Variants in PIN1 observed in about 807,000 individuals in gnomAD.
The protein encoded by PIN1 is peptidylprolyl cis/trans isomerase, NIMA-interacting 1, also known as peptidyl-prolyl cis-trans isomerase NIMA-interacting 1.
A neutral mutation model predicts 19.9 loss-of-function variants in PIN1; 8 were observed. The observed-to-expected ratio is 0.40, with a 90% CI of 0.24 to 0.72. PIN1 has a LOEUF of 0.72. Ranked by LOEUF, PIN1 falls within the 30% of genes least tolerant of loss-of-function variation. PIN1 has a pLI of 0.37. For synonymous variants in PIN1, 86 were observed against 90.8 expected (o/e 0.95, Z 0.30); for missense variants, 185 against 226.5 (o/e 0.82, Z 1.18).
intron 2 of PIN1, among the ~76,000 whole-genome samples, chr19:9,840,278 A>G (rs1326322710): frequency 3.9e-5 from 6 of 152,074 alleles, no homozygotes; most frequent in Non-Finnish European, 5.9e-5. Flanking sequence ...AGTCCCAGCT[A>G]CTCGGGAGAT....
intron 1 of PIN1, 90 bp downstream of exon 1, chr19:9,835,492 C>G: frequency 2.2e-6 from 2 of 908,068 alleles, no homozygotes; most frequent in Non-Finnish European, 3.1e-6. Context: ...GCAGCGCTGC[C>G]TCCCTCCCAT....
chr19:9,839,171 C>T (rs1363535619), intron 2 of PIN1, among the ~76,000 whole-genome samples: 1 of 152,076 alleles, frequency 6.6e-6, no homozygotes, highest in Non-Finnish European at 1.5e-5. Flanking sequence ...CGGTGGCTCA[C>T]GCCTGTAATC....
chr19:9,841,116 T>C (rs2046161742), intron 2 of PIN1, among the ~76,000 whole-genome samples: 1 of 152,218 alleles, frequency 6.6e-6, no homozygotes, highest in Admixed American at 6.5e-5. Context: ...GCTGTTGTTT[T>C]ACTCTCTCAT....
In PIN1 at chr19:9,838,330, A is replaced by G; in HGVS notation, c.59-106A>G. 1 of 838,860 alleles carries G rather than the reference A, an allele frequency of 1.2e-6. No homozygotes were observed. Among genetic ancestry groups the G allele is most frequent in the East Asian group, 2.6e-5 (1 of 37,832 alleles). 52.0% of individuals were successfully genotyped at this position (838,860 alleles called of 1,614,324 possible). On this transcript the variant is annotated intron_variant, in intron 1 of 3. Coordinates refer to ENST00000247970, the MANE Select transcript of PIN1 (RefSeq NM_006221.4). This position sits in a 1 kb window ranked among gnomAD's most constrained non-coding sequence, Gnocchi z 5.8. Reference sequence around the variant, plus strand: ...GGATACACCATGGATTTGTTGAATGAAGGCGCCCCCTGCAAGCCAGGCCCT... The same window carrying G: ...GGATACACCATGGATTTGTTGAATGGAGGCGCCCCCTGCAAGCCAGGCCCT...
intron 2 of PIN1, among the ~76,000 whole-genome samples, chr19:9,840,374 G>A (rs913980769): frequency 1.3e-5 from 2 of 152,192 alleles, no homozygotes; most frequent in Middle Eastern, 3.4e-3. Context: ...GCAACAGAGC[G>A]AGACTCCGTC....
In PIN1 at chr19:9,849,181, C is replaced by T; in HGVS notation, c.474C>T (p.Ile158=). 6.2e-7 allele frequency: 1 copy of T among 1,611,546 alleles called. No homozygotes were observed. The highest frequency in any genetic ancestry group is 8.5e-7 in the Non-Finnish European group (1 of 1,178,454). The change falls in exon 4 of 4, where the codon ATC becomes ATT. Residue 158 remains isoleucine (I), a synonymous_variant. Coordinates refer to ENST00000247970, the MANE Select transcript of PIN1 (RefSeq NM_006221.4). The stretch of plus-strand genomic sequence containing the variant: ...TGTTCACGGATTCCGGCATCCACAT[C>T]ATCCTCCGCACTGAGTGAGGGTGGG... The part of the protein sequence containing the change: ...GPVFTDSGIH[I]ILRTE
Position 9,849,236 on chromosome 19 carries a change from G to A in PIN1, c.*37G>A. On this transcript the variant is annotated 3_prime_UTR_variant, in exon 4 of 4. Coordinates refer to ENST00000247970, the MANE Select transcript of PIN1 (RefSeq NM_006221.4). The stretch of plus-strand genomic sequence containing the variant: ...CCAGGCCTGGCCTCGGGGCAGGGCA[G>A]GGCGGCTAGGCCGGCCAGCTCCCCC... The A allele has an allele frequency of 6.9e-7, 1 of 1,448,962 alleles. No homozygotes were observed. Among genetic ancestry groups the A allele is most frequent in the Non-Finnish European group, 9.6e-7 (1 of 1,044,642 alleles). The allele number at this position is 1,448,962 out of a possible 1,614,324, so 89.8% of individuals were successfully genotyped here.
At chr19:9,839,663 C>T (rs2046144968) in intron 2 of PIN1, among the ~76,000 whole-genome samples, 1 of 152,154 alleles carries the variant, frequency 6.6e-6, no homozygotes, top group South Asian at 2.1e-4. Context: ...TGGCTGTGTG[C>T]CAAGAAAACT....
intron 3 of PIN1, chr19:9,848,394 T>A (rs1360668343): frequency 2.0e-6 from 1 of 510,630 alleles, no homozygotes; most frequent in Non-Finnish European, 3.6e-6. Flanking sequence ...TGTGTGTCTG[T>A]GCACAGATGT....
chr19:9,836,878 G>T lies in PIN1; in HGVS notation c.58+1476G>T, dbSNP rs1041823466. 3 of 1,283,686 alleles carry T rather than the reference G, an allele frequency of 2.3e-6. No individual in the cohort carries two copies. In the African/African-American group the frequency reaches 4.6e-5, roughly 20 times the overall value. The allele number at this position is 1,283,686 out of a possible 1,614,324, so 79.5% of individuals were successfully genotyped here. A position where few individuals can be genotyped will look rare whatever the true frequency, so the allele number is the denominator to read the frequency against. ...TGCCATTCCCAGAGATGCAAAAGGT[G>T]AGGTCTCCGTTTTGCCATCTATACA... On this transcript the variant is annotated intron_variant, in intron 1 of 3. Coordinates refer to ENST00000247970, the MANE Select transcript of PIN1 (RefSeq NM_006221.4).
At chr19:9,839,493 C>G (rs1442659216) in intron 2 of PIN1, among the ~76,000 whole-genome samples, 1 of 152,060 alleles carries the variant, frequency 6.6e-6, no homozygotes, top group Non-Finnish European at 1.5e-5. Context: ...AAGCTATTCC[C>G]TGCTCTGTTC....
chr19:9,845,712 T>G (rs2046214418), intron 2 of PIN1, among the ~76,000 whole-genome samples: 1 of 152,144 alleles, frequency 6.6e-6, no homozygotes, highest in Non-Finnish European at 1.5e-5. Flanking sequence ...TATGAGCTAT[T>G]GGTGTGCCAA....
intron 2 of PIN1, among the ~76,000 whole-genome samples, chr19:9,841,618 C>T (rs1307159276): frequency 2.0e-5 from 3 of 152,146 alleles, no homozygotes; most frequent in Non-Finnish European, 4.4e-5. Context: ...AGGAGAGGAA[C>T]CCACAGTGCT....
At chr19:9,840,529 T>A (rs1224743096) in intron 2 of PIN1, among the ~76,000 whole-genome samples, 1 of 152,260 alleles carries the variant, frequency 6.6e-6, no homozygotes, top group Non-Finnish European at 1.5e-5. Context: ...CAGCCTGGGT[T>A]GCTATGCAGC....
rs2145421484 is a variant in PIN1, at chr19:9,849,505, TCAG to T, written c.*310_*312del. The T allele has an allele frequency of 1.5e-6, 1 of 668,422 alleles. No homozygotes were observed. Among genetic ancestry groups the T allele is most frequent in the Non-Finnish European group, 2.8e-6 (1 of 355,778 alleles). 41.4% of individuals were successfully genotyped at this position (668,422 alleles called of 1,614,324 possible). A position where few individuals can be genotyped will look rare whatever the true frequency, so the allele number is the denominator to read the frequency against. On this transcript the variant is annotated 3_prime_UTR_variant, in exon 4 of 4. Transcript: ENST00000247970. ...GGGGTGTTCCAAAGAGAAGGCCTGG[TCAG>T]CAGAGCCGCCCCGTGTCCCCCCAGG... is the stretch of plus-strand genomic sequence containing the variant.
At chr19:9,842,644 C>G (rs2046179212) in intron 2 of PIN1, among the ~76,000 whole-genome samples, 1 of 152,234 alleles carries the variant, frequency 6.6e-6, no homozygotes, top group Admixed American at 6.5e-5. Flanking sequence ...CTCCTGGTAT[C>G]CTCCTGCCTG....
chr19:9,849,580 C>T lies in PIN1; in HGVS notation c.*381C>T, dbSNP rs1207994496. 3.6e-6 allele frequency: 2 copies of T among 555,970 alleles called. No individual in the cohort carries two copies. The highest frequency in any genetic ancestry group is 7.0e-6 in the Non-Finnish European group (2 of 284,600). The allele number at this position is 555,970 out of a possible 1,614,324, so 34.4% of individuals were successfully genotyped here. ...CCGAATTGTTTCTAGTTAGGCCACGCTCCTCTGTTCAGTCGCAAAGGTGAA... is the reference window on the plus strand; with the variant it reads ...CCGAATTGTTTCTAGTTAGGCCACGTTCCTCTGTTCAGTCGCAAAGGTGAA... On this transcript the variant is annotated 3_prime_UTR_variant, in exon 4 of 4. Transcript: ENST00000247970.
intron 2 of PIN1, 77 bp from the exon 3 acceptor site, chr19:9,847,953 C>T: frequency 1.1e-6 from 1 of 898,894 alleles, no homozygotes; most frequent in African/African-American, 1.6e-5. Context: ...CTGGCCAGCT[C>T]TGGAGTCCTC....
chr19:9,848,290 G>A, intron 3 of PIN1, 150 bp downstream of exon 3: 1 of 639,758 alleles, frequency 1.6e-6, no homozygotes, highest in South Asian at 1.8e-5. Context: ...AGGCTTCAGA[G>A]GCTGCTCTGC....
Sources: allele counts gnomAD v4.1 joint callset (sites outside exome capture counted in the v4.1 genomes callset), GRCh38; gene constraint gnomAD v4.1.1; non-coding constraint Gnocchi (gnomAD v3.1); transcripts MANE v1.5; gene names NCBI Gene and HGNC (gene_info 2026-07-23, HGNC 2026-07-21).